KCNB2: variants seen among roughly 807,000 people sequenced by gnomAD.
KCNB2 encodes the protein delayed rectifier potassium channel protein.
Under a neutral mutation model 61.5 loss-of-function variants are expected in KCNB2, and 15 were observed. The observed-to-expected ratio is 0.24, with a 90% confidence interval of 0.16 to 0.38. The LOEUF (loss-of-function observed/expected upper bound fraction) is 0.38, where lower values mean the gene tolerates loss of function less well. Among genes scored for constraint, KCNB2 ranks in the 10% least tolerant of loss-of-function variants. The pLI is 1.00. For synonymous variants in KCNB2, 457 were observed against 446.0 expected, an observed-to-expected ratio of 1.02 and a Z score of -0.31; for missense variants, 828 against 1,125.2, an observed-to-expected ratio of 0.74 and a Z score of 3.78.
rs191530225 is a variant in KCNB2, at chr8:72,886,179, A to G, written c.580-49756A>G. Among the ~76,000 whole-genome samples, 86 of 152,244 alleles carry G rather than the reference A, an allele frequency of 5.6e-4. 2 individuals are homozygous for G. The highest frequency in any genetic ancestry group is 2.0e-3 in the African/African-American group (84 of 41,544). On this transcript the variant is annotated intron_variant, in intron 2 of 2. Transcript: ENST00000523207. Reference sequence around the variant, plus strand: ...TCCTGTGTACCTACTACTGTGCTTCACTTCAACGGCAGCCTGTGAGCCTCT... The same window carrying G: ...TCCTGTGTACCTACTACTGTGCTTCGCTTCAACGGCAGCCTGTGAGCCTCT...
chr8:72,768,333 C>T (rs907349898), intron 2 of KCNB2, among the ~76,000 whole-genome samples: 2 of 151,982 alleles, frequency 1.3e-5, no homozygotes, highest in African/African-American at 2.4e-5. Flanking sequence ...ACCACCATTG[C>T]CCAGCTAATT....
intron 2 of KCNB2, among the ~76,000 whole-genome samples, chr8:72,645,461 G>A (rs1806115097): frequency 6.6e-6 from 1 of 152,058 alleles, no homozygotes; most frequent in Admixed American, 6.6e-5. Flanking sequence ...GCCTTAGCTA[G>A]GCATAGTAAC....
intron 2 of KCNB2, among the ~76,000 whole-genome samples, chr8:72,854,177 A>T (rs775224364): frequency 9.2e-5 from 14 of 152,226 alleles, no homozygotes; most frequent in Non-Finnish European, 1.9e-4. Flanking sequence ...GAAAGCTATT[A>T]TGGCATTCCC....
intron 2 of KCNB2, among the ~76,000 whole-genome samples, chr8:72,666,137 C>G (rs1474382685): frequency 1.3e-5 from 2 of 152,162 alleles, no homozygotes; most frequent in Non-Finnish European, 2.9e-5. Flanking sequence ...TTTCAAATTG[C>G]TTTATGGGAG....
chr8:72,546,065 G>A (rs1344665274), intron 1 of KCNB2, among the ~76,000 whole-genome samples: 1 of 152,088 alleles, frequency 6.6e-6, no homozygotes, highest in Non-Finnish European at 1.5e-5. Context: ...TCTGGCAATA[G>A]GGCACATTCC....
At chr8:72,923,631 T>A (rs531450510) in intron 2 of KCNB2, among the ~76,000 whole-genome samples, 2 of 152,300 alleles carry the variant, frequency 1.3e-5, no homozygotes, top group South Asian at 4.1e-4. Context: ...GGTGGTCCAT[T>A]CAATTGGTTG....
intron 2 of KCNB2, among the ~76,000 whole-genome samples, chr8:72,598,578 A>C (rs897370645): frequency 6.6e-6 from 1 of 152,198 alleles, no homozygotes; most frequent in Non-Finnish European, 1.5e-5. Flanking sequence ...CCTATTCAAC[A>C]TAGTGTTGGA....
At chr8:72,919,843 G>T (rs187144659) in intron 2 of KCNB2, among the ~76,000 whole-genome samples, 1 of 152,022 alleles carries the variant, frequency 6.6e-6, no homozygotes, top group Non-Finnish European at 1.5e-5. Context: ...ATTTTGCTTT[G>T]ATAATCAGAT....
At chr8:72,632,908 G>A (rs1175413371) in intron 2 of KCNB2, among the ~76,000 whole-genome samples, 1 of 152,004 alleles carries the variant, frequency 6.6e-6, no homozygotes, top group Non-Finnish European at 1.5e-5. Flanking sequence ...GAATCCACTG[G>A]GATTGTATTT....
At chr8:72,540,644 G>A (rs1806175476) in intron 1 of KCNB2, among the ~76,000 whole-genome samples, 1 of 151,876 alleles carries the variant, frequency 6.6e-6, no homozygotes. Flanking sequence ...TAGATCTGTG[G>A]GCCATTCTGT....
At chr8:72,848,945 G>A (rs1488758025) in intron 2 of KCNB2, among the ~76,000 whole-genome samples, 1 of 150,968 alleles carries the variant, frequency 6.6e-6, no homozygotes, top group East Asian at 1.9e-4. Context: ...TTAACATAAA[G>A]TTATTACACT....
chr8:72,923,210 A>G (rs572211370), intron 2 of KCNB2, among the ~76,000 whole-genome samples: 4 of 152,008 alleles, frequency 2.6e-5, no homozygotes, highest in Non-Finnish European at 5.9e-5. Flanking sequence ...TTCAGAAAGA[A>G]TAGATTGTGT....
At position 72,937,913 on chromosome 8, in the gene KCNB2, C is replaced by T. The variant is rs1399927895; in HGVS notation, c.2558C>T (p.Ser853Phe). 5.6e-6 allele frequency: 9 copies of T among 1,614,062 alleles called. No individual in the cohort carries two copies. The South Asian group carries it at 7.7e-5, about 14-fold the overall frequency. ...DPLREEGSVG[S>F]SSPQDTGHNC... ...TTAAGAGAAGAGGGCAGTGTGGGCT[C>T]TTCCTCCCCGCAGGACACAGGTCAC... Residue 853 changes from serine to phenylalanine, a missense_variant, in exon 3 of 3, where the codon TCT becomes TTT. Transcript: ENST00000523207.
chr8:72,889,799 C>A (rs1805866990), intron 2 of KCNB2, among the ~76,000 whole-genome samples: 1 of 152,098 alleles, frequency 6.6e-6, no homozygotes, highest in Non-Finnish European at 1.5e-5. Flanking sequence ...CTTTGTTGCC[C>A]ATCTGGAGTG....
chr8:72,684,888 A>G (rs761680995), intron 2 of KCNB2, among the ~76,000 whole-genome samples: 1 of 152,202 alleles, frequency 6.6e-6, no homozygotes, highest in African/African-American at 2.4e-5. Flanking sequence ...TTAAGTGTCA[A>G]TTTTATTGTG....
At chr8:72,920,449 C>CTATATATATA (rs1490825485) in intron 2 of KCNB2, among the ~76,000 whole-genome samples, 5 of 29,658 alleles carry the variant, frequency 1.7e-4, no homozygotes, top group Non-Finnish European at 4.2e-4. Flanking sequence ...CTATATCTAT[C>CTATATATATA]TATCTATCTA....
rs749659716 is a variant in KCNB2 at position 72,936,803 on chromosome 8, A to C, written c.1448A>C (p.Asp483Ala). 33 of 1,614,032 alleles carry C rather than the reference A, an allele frequency of 2.0e-5. No homozygotes were observed. The South Asian group carries it at 3.5e-4, about 17-fold the overall frequency. Residue 483 changes from aspartate to alanine, a missense_variant, in exon 3 of 3, where the codon GAC becomes GCC. Physicochemically the swap from Asp to Ala is moderately radical, Grantham distance 126 (BLOSUM62 -2). Transcript: ENST00000523207. The surrounding 1 kb of genome is among the most constrained non-coding windows in gnomAD (Gnocchi z 5.6). ...GESANTKDSA[D>A]DNHLSPSRWK... ...TCCGCCAACACAAAGGACTCCGCCG[A>C]CGATAATCACCTGTCGCCAAGCCGG...
rs1806125901 is a variant in KCNB2, at chr8:72,537,370, GCCC to G, written c.-608_-606del. 6.8e-6 allele frequency: 1 copy of G among 147,612 alleles called. No homozygotes were observed. Among genetic ancestry groups the G allele is most frequent in the Admixed American group, 6.8e-5 (1 of 14,732 alleles). 9.1% of individuals were successfully genotyped at this position (147,612 alleles called of 1,614,324 possible). On this transcript the variant is annotated 5_prime_UTR_variant, in exon 1 of 3. Transcript: ENST00000523207. The stretch of plus-strand genomic sequence containing the variant: ...AAGCACCCACCGCCCTCCGCCCTCC[GCCC>G]TCCGCCCCCGCGGCCGCCGCCGCCG...
intron 2 of KCNB2, among the ~76,000 whole-genome samples, chr8:72,614,324 G>A (rs2128983644): frequency 6.6e-6 from 1 of 152,286 alleles, no homozygotes; most frequent in African/African-American, 2.4e-5. Flanking sequence ...ACCATTGAAG[G>A]ATTTGTTGTC....
Sources: gnomAD v4.1 joint callset for allele counts (sites outside exome capture counted in the v4.1 genomes callset) on GRCh38, gnomAD v4.1.1 for gene constraint, Gnocchi (gnomAD v3.1) non-coding constraint, MANE v1.5 for transcripts, NCBI Gene and HGNC (gene_info 2026-07-23, HGNC 2026-07-21) for gene names.